USP50: variants seen among roughly 807,000 people sequenced by gnomAD.
The protein encoded by USP50 is ubiquitin specific peptidase 50.
A neutral mutation model predicts 39.2 loss-of-function variants in USP50; 37 were observed. The observed-to-expected ratio is 0.94, with a 90% CI of 0.73 to 1.24. The LOEUF (loss-of-function observed/expected upper bound fraction) is 1.24, where lower values mean the gene tolerates loss of function less well. Among genes scored for constraint, USP50 ranks in the 50% most tolerant of loss-of-function variants. The pLI, the probability that USP50 is intolerant of heterozygous loss-of-function variation, is 0.00. For missense variants in USP50, 374 were observed against 398.2 expected (o/e 0.94, Z 0.52); for synonymous variants, 139 against 144.5 (o/e 0.96, Z 0.27).
chr15:50,538,444 G>C (rs1398644196), intron 5 of USP50, among the ~76,000 whole-genome samples: 1 of 152,062 alleles, frequency 6.6e-6, no homozygotes, highest in Non-Finnish European at 1.5e-5. Context: ...GTTTCTGTGT[G>C]GGTGAGGAAG....
chr15:50,529,980 A>G, intron 5 of USP50, 51 bp from the exon 6 acceptor site: 1 of 1,604,820 alleles, frequency 6.2e-7, no homozygotes, highest in East Asian at 2.2e-5. Context: ...TGAACCACTC[A>G]TTTGTCTACA....
At chr15:50,526,185 A>C (rs977224395) in intron 6 of USP50, among the ~76,000 whole-genome samples, 1 of 152,090 alleles carries the variant, frequency 6.6e-6, no homozygotes, top group African/African-American at 2.4e-5. Flanking sequence ...CAGCCCCTCG[A>C]GTAGCTGGGA....
In USP50 at chr15:50,546,347, C is replaced by A. The variant is rs114970010; in HGVS notation, c.53+126G>T. On this transcript the variant is annotated intron_variant, in intron 1 of 6. Coordinates refer to ENST00000532404, the MANE Select transcript of USP50 (RefSeq NM_203494.5). ...ATTAGGTACAATCTTCCTTCCTTTC[C>A]GGGGACCTTCCATGGGTCACACCTG... 112 of 933,804 alleles carry A rather than the reference C, an allele frequency of 1.2e-4. 1 individual carries two copies. In the African/African-American group the frequency reaches 1.5e-3, roughly 12 times the overall value. The allele number at this position is 933,804 out of a possible 1,614,324, so 57.8% of individuals were successfully genotyped here.
intron 6 of USP50, chr15:50,507,100 T>C (rs1006101010): frequency 3.3e-5 from 5 of 150,688 alleles, no homozygotes; most frequent in African/African-American, 1.2e-4. Context: ...CTGGCCAACA[T>C]GGCAAAACCC....
chr15:50,544,597 C>G lies in USP50; in HGVS notation c.238G>C (p.Ala80Pro). ...EYFLTGKYIT[A>P]LQNDCSEVAT... ...TGCAAATGGTCTTACTTTTGCAGAGCGGTGATATACTTCCCGGTGAGAAAG... is the reference window on the plus strand; with the variant it reads ...TGCAAATGGTCTTACTTTTGCAGAGGGGTGATATACTTCCCGGTGAGAAAG... Residue 80 changes from alanine (A) to proline (P), a missense_variant, in exon 2 of 7, where the codon GCT becomes CCT. Physicochemically the swap from Ala to Pro is conservative, Grantham distance 27 (BLOSUM62 -1). Coordinates refer to ENST00000532404, the MANE Select transcript of USP50 (RefSeq NM_203494.5). The G allele has an allele frequency of 2.5e-6, 4 of 1,612,706 alleles. No homozygotes were observed. The highest frequency in any genetic ancestry group is 3.4e-6 in the Non-Finnish European group (4 of 1,179,372).
At chr15:50,533,166 A>G (rs1031671440) in intron 5 of USP50, among the ~76,000 whole-genome samples, 1 of 151,656 alleles carries the variant, frequency 6.6e-6, no homozygotes, top group African/African-American at 2.4e-5. Context: ...CTCCTAAAAA[A>G]AAAAGAAACA....
In USP50 at chr15:50,538,824, C is replaced by T. The variant is rs766616922; in HGVS notation, c.688G>A (p.Asp230Asn). Residue 230 changes from aspartate to asparagine, a missense_variant, in exon 5 of 7, where the codon GAC (aspartate) becomes AAC (asparagine). Physicochemically the swap from Asp to Asn is conservative, Grantham distance 23. Coordinates refer to ENST00000532404, the MANE Select transcript of USP50 (RefSeq NM_203494.5). ...ATTTCGTTGTTCCAGGTCAGTGCGT[C>T]TTGTTGAAAAAAACATTGGAGACAG... ...RDCLQCFFQQDALTWNNEIHC... is the reference protein window; with the variant it reads ...RDCLQCFFQQNALTWNNEIHC... The T allele has an allele frequency of 6.2e-7, 1 of 1,609,078 alleles. No homozygotes were observed. Among genetic ancestry groups the T allele is most frequent in the Non-Finnish European group, 8.5e-7 (1 of 1,178,250 alleles).
intron 4 of USP50, 93 bp downstream of exon 4, chr15:50,540,954 GTC>G (rs369508673): frequency 1.1e-6 from 1 of 902,268 alleles, no homozygotes; most frequent in South Asian, 1.6e-5. Flanking sequence ...TTATAAAGCC[GTC>G]TCTCATACTA....
chr15:50,495,217 C>T (rs2052331295), intron 1 of USP50, among the ~76,000 whole-genome samples: 1 of 139,134 alleles, frequency 7.2e-6, no homozygotes, highest in African/African-American at 2.5e-5. Context: ...CACACACCTA[C>T]ACAAAAATAT....
intron 6 of USP50, among the ~76,000 whole-genome samples, chr15:50,519,335 A>G (rs1172080532): frequency 2.0e-5 from 3 of 152,054 alleles, no homozygotes; most frequent in Admixed American, 6.6e-5. Context: ...AAGGACATGA[A>G]TACACATTTC....
intron 4 of USP50, 44 bp from the exon 5 acceptor site, chr15:50,538,895 G>A: frequency 6.4e-7 from 1 of 1,571,926 alleles, no homozygotes; most frequent in Non-Finnish European, 8.6e-7. Context: ...TGGATCAACT[G>A]CAACCTGCAC....
At chr15:50,541,388 C>A in intron 3 of USP50, 124 bp from the exon 4 acceptor site, 3 of 725,346 alleles carry the variant, frequency 4.1e-6, no homozygotes, top group East Asian at 5.4e-5. Context: ...TGGCACACAT[C>A]TGTGGTGCCA....
intron 4 of USP50, among the ~76,000 whole-genome samples, chr15:50,540,305 C>A (rs1395329376): frequency 6.6e-6 from 1 of 152,080 alleles, no homozygotes; most frequent in Non-Finnish European, 1.5e-5. Context: ...TTCTCTCTTT[C>A]CAAAACATTT....
chr15:50,513,829 T>C (rs1253526424), intron 6 of USP50: 1 of 152,202 alleles, frequency 6.6e-6, no homozygotes, highest in Non-Finnish European at 1.5e-5. Context: ...GGGGTATGAA[T>C]TGGTACAGTC....
chr15:50,526,579 A>G (rs938790100), intron 6 of USP50, among the ~76,000 whole-genome samples: 2 of 152,216 alleles, frequency 1.3e-5, no homozygotes, highest in Admixed American at 6.5e-5. Flanking sequence ...GCTAATGCAT[A>G]TGTACAAGCA....
intron 6 of USP50, among the ~76,000 whole-genome samples, chr15:50,521,382 T>C (rs1254676970): frequency 1.3e-5 from 2 of 152,162 alleles, no homozygotes; most frequent in African/African-American, 4.8e-5. Flanking sequence ...TATACATGTA[T>C]CAAAATACCA....
intron 6 of USP50, chr15:50,511,393 A>G (rs1276620893): frequency 6.6e-6 from 1 of 152,186 alleles, no homozygotes; most frequent in African/African-American, 2.4e-5. Flanking sequence ...AACCAGAGTT[A>G]CCATATGACC....
At chr15:50,494,147 A>G (rs1398963218) in intron 1 of USP50, 1 of 1,613,118 alleles carries the variant, frequency 6.2e-7, no homozygotes, top group Non-Finnish European at 8.5e-7. Context: ...ACAGGACAGT[A>G]TAGATATATC....
chr15:50,523,703 T>C (rs945377416), intron 6 of USP50, among the ~76,000 whole-genome samples: 1 of 152,166 alleles, frequency 6.6e-6, no homozygotes, highest in Non-Finnish European at 1.5e-5. Flanking sequence ...AAAATGTCCA[T>C]ACTACGTAAA....
Sources: gnomAD v4.1 joint callset for allele counts (sites outside exome capture counted in the v4.1 genomes callset) on GRCh38, gnomAD v4.1.1 for gene constraint, MANE v1.5 for transcripts, NCBI Gene and HGNC (gene_info 2026-07-23, HGNC 2026-07-21) for gene names.